The following SVIL variants were observed in gnomAD, a reference collection of about 807,000 sequenced individuals.
SVIL encodes archvillin.
A neutral mutation model predicts 240.4 loss-of-function variants in SVIL; 101 were observed. That is an observed-to-expected ratio of 0.42 (90% CI 0.36 to 0.50). The LOEUF (loss-of-function observed/expected upper bound fraction) is 0.50. Among genes scored for constraint, SVIL ranks in the 20% least tolerant of loss-of-function variants. SVIL has a pLI of 0.01. For missense variants in SVIL, 2,512 were observed against 2,818.7 expected, an observed-to-expected ratio of 0.89 and a Z score of 2.46; for synonymous variants, 999 against 1,100.0, an observed-to-expected ratio of 0.91 and a Z score of 1.82.
chr10:29,663,167 C>T (rs1291010302), intron 2 of SVIL, among the ~76,000 whole-genome samples: 1 of 152,042 alleles, frequency 6.6e-6, no homozygotes, highest in East Asian at 1.9e-4. Context: ...TAACCAATGG[C>T]CCATTTTATT....
At chr10:29,618,932 G>A (rs2132903405) in intron 1 of SVIL, among the ~76,000 whole-genome samples, 1 of 152,244 alleles carries the variant, frequency 6.6e-6, no homozygotes, top group African/African-American at 2.4e-5. Context: ...TGGCCACCAA[G>A]TGCTCCACTG....
chr10:29,629,844 G>T (rs370780916), intron 1 of SVIL, among the ~76,000 whole-genome samples: 13 of 148,226 alleles, frequency 8.8e-5, no homozygotes, highest in African/African-American at 2.9e-4. Context: ...GCTGGGCATA[G>T]TAGTGATTGC....
intron 36 of SVIL, among the ~76,000 whole-genome samples, chr10:29,460,252 G>A (rs1944087585): frequency 6.6e-6 from 1 of 152,140 alleles, no homozygotes; most frequent in South Asian, 2.1e-4. Context: ...ATGGACTGTT[G>A]TGATAAATGA....
chr10:29,723,544 C>T (rs1318675410), intron 1 of SVIL, among the ~76,000 whole-genome samples: 1 of 151,874 alleles, frequency 6.6e-6, no homozygotes, highest in Non-Finnish European at 1.5e-5. Context: ...ATGAACAATG[C>T]TTCAGGGAAT....
intron 1 of SVIL, among the ~76,000 whole-genome samples, chr10:29,695,468 A>G (rs1961855448): frequency 1.3e-5 from 2 of 152,206 alleles, no homozygotes; most frequent in Admixed American, 6.5e-5. Context: ...AAAATAGCCC[A>G]GGCGTGGTGG....
chr10:29,630,875 T>A (rs1459624885), intron 1 of SVIL, among the ~76,000 whole-genome samples: 1 of 152,098 alleles, frequency 6.6e-6, no homozygotes, highest in Non-Finnish European at 1.5e-5. Flanking sequence ...TCGTTACAAT[T>A]CAATCCGTTC....
chr10:29,549,064 T>C (rs887195395), intron 6 of SVIL, among the ~76,000 whole-genome samples: 1 of 150,834 alleles, frequency 6.6e-6, no homozygotes, highest in Non-Finnish European at 1.5e-5. Flanking sequence ...GAAACTACCA[T>C]CAGAGTGAAC....
chr10:29,733,948 ATCAG>A (rs1964760103), intron 1 of SVIL, among the ~76,000 whole-genome samples: 1 of 152,256 alleles, frequency 6.6e-6, no homozygotes, highest in African/African-American at 2.4e-5. Flanking sequence ...GTTTTAACTT[ATCAG>A]TCAGTAAGGT....
intron 1 of SVIL, among the ~76,000 whole-genome samples, chr10:29,614,242 T>TA (rs1335407696): frequency 4.6e-5 from 7 of 152,034 alleles, no homozygotes; most frequent in East Asian, 1.9e-4. Flanking sequence ...ACATTTTAGT[T>TA]AAAAAAAATA....
chr10:29,641,468 C>T (rs1446546056), intron 3 of SVIL, among the ~76,000 whole-genome samples: 3 of 151,496 alleles, frequency 2.0e-5, no homozygotes, highest in East Asian at 1.9e-4. Flanking sequence ...CTGCAGAGGC[C>T]GAGGCAAGAG....
intron 2 of SVIL, among the ~76,000 whole-genome samples, chr10:29,673,476 G>A (rs778581600): frequency 2.7e-4 from 41 of 151,676 alleles, no homozygotes; most frequent in Non-Finnish European, 5.3e-4. Flanking sequence ...AGAAAAGAGG[G>A]TTAATTGACT....
chr10:29,544,465 G>T (rs1377812728), intron 6 of SVIL, among the ~76,000 whole-genome samples: 3 of 152,012 alleles, frequency 2.0e-5, no homozygotes, highest in Non-Finnish European at 2.9e-5. Flanking sequence ...CAATGAATAG[G>T]AATAGTCTGC....
intron 13 of SVIL, among the ~76,000 whole-genome samples, 179 bp downstream of exon 13, chr10:29,526,782 C>T (rs910081186): frequency 1.3e-5 from 2 of 152,206 alleles, no homozygotes; most frequent in Non-Finnish European, 2.9e-5. Flanking sequence ...TTCCCACGCA[C>T]GCCAGCATGT....
intron 1 of SVIL, among the ~76,000 whole-genome samples, chr10:29,585,836 G>GC (rs1434742707): frequency 3.3e-5 from 5 of 152,232 alleles, no homozygotes; most frequent in Non-Finnish European, 7.3e-5. Flanking sequence ...TTCCCGGCAG[G>GC]TGTCCGACGC....
Position 29,475,949 on chromosome 10 carries a change from G to A in SVIL, c.5378-1960C>T, listed in dbSNP as rs1366895356. ...ATATTTATTTGATTTTTAGCCCTTT[G>A]TTTGGTAAAGTATCTGTAACATAGG... On this transcript the variant is annotated intron_variant, in intron 29 of 37. Transcript: ENST00000355867. Among the ~76,000 whole-genome samples, 6 of 152,074 alleles carry A rather than the reference G, an allele frequency of 3.9e-5. No homozygotes were observed. In the East Asian group the frequency reaches 1.2e-3, roughly 29 times the overall value.
chr10:29,729,561 T>C (rs1964490808), intron 1 of SVIL, among the ~76,000 whole-genome samples: 1 of 150,052 alleles, frequency 6.7e-6, no homozygotes, highest in Non-Finnish European at 1.5e-5. Context: ...ATTGGCCGGG[T>C]GCGGTGGCTC....
At chr10:29,673,771 G>A (rs1959988273) in intron 2 of SVIL, among the ~76,000 whole-genome samples, 1 of 152,168 alleles carries the variant, frequency 6.6e-6, no homozygotes, top group South Asian at 2.1e-4. Flanking sequence ...TTCGAGATGA[G>A]ATTTGGGTGG....
Position 29,458,282 on chromosome 10 carries a change from G to C in SVIL, c.6610C>G (p.Gln2204Glu). 6.2e-7 allele frequency: 1 copy of C among 1,614,254 alleles called. No homozygotes were observed. Among genetic ancestry groups the C allele is most frequent in the Non-Finnish European group, 8.5e-7 (1 of 1,180,052 alleles). The change falls in exon 38 of 38, where the codon CAG becomes GAG. Residue 2204 changes from glutamine (Q) to glutamate (E), a missense_variant. This residue lies in a region of SVIL where 797 missense variants were observed against 925.3 expected (regional missense o/e 0.86). Transcript: ENST00000355867. Reference sequence around the variant, plus strand: ...CCTTTTGCTTTCTTCAGGTTCACCTGCTTCCAGGCGGGCAGGGCGTTGTAT... The same window carrying C: ...CCTTTTGCTTTCTTCAGGTTCACCTCCTTCCAGGCGGGCAGGGCGTTGTAT... ...DEYNALPAWK[Q>E]VNLKKAKGLF
At chr10:29,603,138 A>C (rs1956879590) in intron 1 of SVIL, among the ~76,000 whole-genome samples, 1 of 152,168 alleles carries the variant, frequency 6.6e-6, no homozygotes, top group Non-Finnish European at 1.5e-5. Context: ...AATAAATAAA[A>C]GCAAGTGCAG....
Sources: allele counts gnomAD v4.1 joint callset (sites outside exome capture counted in the v4.1 genomes callset), GRCh38; gene constraint gnomAD v4.1.1; regional missense constraint gnomAD v4.1.1; transcripts MANE v1.5; gene names NCBI Gene and HGNC (gene_info 2026-07-23, HGNC 2026-07-21).